Variants in NSMCE4A observed in about 807,000 individuals in gnomAD.
NSMCE4A encodes the protein non-structural maintenance of chromosomes element 4 homolog A.
Under a neutral mutation model 47.9 loss-of-function variants are expected in NSMCE4A, and 40 were observed. The observed-to-expected ratio is 0.83, with a 90% CI of 0.65 to 1.09. The LOEUF is 1.09. Ranked by LOEUF, NSMCE4A falls within the 50% of genes least tolerant of loss-of-function variation. The pLI is 0.00. For synonymous variants in NSMCE4A, 166 were observed against 178.5 expected (o/e 0.93, Z 0.56); for missense variants, 500 against 507.0 (o/e 0.99, Z 0.13).
At chr10:121,974,230 G>A in intron 1 of NSMCE4A, 149 bp from the exon 2 acceptor site, 1 of 1,394,660 alleles carries the variant, frequency 7.2e-7, no homozygotes, top group African/African-American at 1.5e-5. Context: ...TAACCAAAAT[G>A]ACCCGGAAAA....
intron 10 of NSMCE4A, among the ~76,000 whole-genome samples, chr10:121,957,486 G>A (rs1040995934): frequency 2.1e-5 from 3 of 141,986 alleles, no homozygotes; most frequent in Non-Finnish European, 4.5e-5. Context: ...AGGCTGGAGT[G>A]CAGTGGCACA....
In NSMCE4A at chr10:121,967,801, T is replaced by A; in HGVS notation, c.507A>T (p.Thr169=). The A allele has an allele frequency of 6.3e-7, 1 of 1,598,042 alleles. No homozygotes were observed. Among genetic ancestry groups the A allele is most frequent in the South Asian group, 1.1e-5 (1 of 87,086 alleles). Residue 169 remains threonine (T), a synonymous_variant, in exon 4 of 11, where the codon ACA becomes ACT. Coordinates refer to ENST00000369023, the MANE Select transcript of NSMCE4A (RefSeq NM_017615.3). ...CTTCTAGCGGATTTACACCCATATG[T>A]GTGAGCTACAAAAATGAAGGAAAAC... The part of the protein sequence containing the change: ...DMLRYVETLL[T]HMGVNPLEAE...
rs1003832201 is a variant in NSMCE4A at position 121,963,395 on chromosome 10, C to T, written c.754-67G>A. 4 of 846,728 alleles carry T rather than the reference C, an allele frequency of 4.7e-6. No individual in the cohort carries two copies. The Admixed American group carries it at 8.3e-5, about 17-fold the overall frequency. The allele number at this position is 846,728 out of a possible 1,614,324, so 52.5% of individuals were successfully genotyped here. On this transcript the variant is annotated intron_variant, in intron 5 of 10. Coordinates refer to ENST00000369023, the MANE Select transcript of NSMCE4A (RefSeq NM_017615.3). ...CCTATTAACGTTTTCTTCTCTCTTG[C>T]ACACCCAAACTCCTTTTCTTCTCTC...
chr10:121,971,630 C>G (rs1415574248), intron 2 of NSMCE4A, among the ~76,000 whole-genome samples: 1 of 152,210 alleles, frequency 6.6e-6, no homozygotes, highest in Non-Finnish European at 1.5e-5. Flanking sequence ...TTAGCTGAAT[C>G]ACAATCTCTT....
chr10:121,971,192 T>G, intron 2 of NSMCE4A, 123 bp from the exon 3 acceptor site: 1 of 802,568 alleles, frequency 1.2e-6, no homozygotes, highest in Non-Finnish European at 1.9e-6. Context: ...AAAATCTCAA[T>G]AGGCAACTGA....
At chr10:121,959,124 T>A (rs1952452528) in intron 10 of NSMCE4A, among the ~76,000 whole-genome samples, 200 bp downstream of exon 10, 1 of 152,130 alleles carries the variant, frequency 6.6e-6, no homozygotes, top group Non-Finnish European at 1.5e-5. Context: ...CAGCTGCAAA[T>A]CTTAACAGCA....
chr10:121,965,178 GGC>G (rs1952583136), intron 5 of NSMCE4A, 106 bp downstream of exon 5: 2 of 629,244 alleles, frequency 3.2e-6, no homozygotes, highest in Non-Finnish European at 5.6e-6. Context: ...GACAAAACCT[GGC>G]TCCAGACCCG....
At position 121,974,902 on chromosome 10, in the gene NSMCE4A, C is replaced by T. The variant is rs1368892463; in HGVS notation, c.264G>A (p.Gln88=). ...GGACGGAGTTGATGAGCGCCCGGTA[C>T]TGATGGCGGATCTGGCGGCACAGGC... ...DQGLCRQIRH[Q]YRALINSVQQ... Residue 88 remains glutamine (Q), a synonymous_variant, in exon 1 of 11, where the codon CAG becomes CAA. Transcript: ENST00000369023. 6.6e-7 allele frequency: 1 copy of T among 1,524,192 alleles called. No individual in the cohort carries two copies. Among genetic ancestry groups the T allele is most frequent in the East Asian group, 2.8e-5 (1 of 36,200 alleles). The allele number at this position is 1,524,192 out of a possible 1,614,324, so 94.4% of individuals were successfully genotyped here. A position where few individuals can be genotyped will look rare whatever the true frequency, so the allele number is the denominator to read the frequency against.
chr10:121,969,501 T>TAAAAAAA (rs35005382), intron 3 of NSMCE4A, among the ~76,000 whole-genome samples: 1 of 138,208 alleles, frequency 7.2e-6, no homozygotes. Context: ...AAAAAAAAGT[T>TAAAAAAA]AAAAAAAAAA....
At chr10:121,974,807 C>T (rs1952786387) in intron 1 of NSMCE4A, 67 bp downstream of exon 1, 3 of 1,239,966 alleles carry the variant, frequency 2.4e-6, no homozygotes, top group Admixed American at 4.3e-5. Flanking sequence ...TGCCCTCCCC[C>T]CGCGCCCGGC....
In NSMCE4A at chr10:121,974,071, C is replaced by G; in HGVS notation, c.303G>C (p.Glu101Asp). ...ALINSVQQNR[E>D]DILNAGDKLT... is the part of the protein sequence containing the mutation. ...ATTTGTCACCGGCATTCAGTATGTC[C>G]TCACGGTTTTCTATTTTTAAAAATA... Residue 101 changes from glutamate (E) to aspartate (D), a missense_variant, in exon 2 of 11, where the codon GAG (glutamate) becomes GAC (aspartate). Physicochemically the swap from Glu to Asp is conservative, Grantham distance 45 (BLOSUM62 2). Coordinates refer to ENST00000369023, the MANE Select transcript of NSMCE4A (RefSeq NM_017615.3). The G allele has an allele frequency of 6.2e-7, 1 of 1,603,192 alleles. No homozygotes were observed. Among genetic ancestry groups the G allele is most frequent in the Non-Finnish European group, 8.5e-7 (1 of 1,173,118 alleles).
intron 10 of NSMCE4A, among the ~76,000 whole-genome samples, chr10:121,957,797 A>G (rs1952425705): frequency 6.6e-6 from 1 of 152,104 alleles, no homozygotes; most frequent in African/African-American, 2.4e-5. Context: ...ATTGAAGCAC[A>G]TATTAAGTGC....
At chr10:121,957,770 C>G (rs1263456074) in intron 10 of NSMCE4A, among the ~76,000 whole-genome samples, 2 of 151,730 alleles carry the variant, frequency 1.3e-5, no homozygotes, top group Non-Finnish European at 2.9e-5. Context: ...CAACTTGGAA[C>G]AAAAGTATTT....
intron 1 of NSMCE4A, chr10:121,974,326 T>C: frequency 2.3e-6 from 3 of 1,300,650 alleles, no homozygotes; most frequent in South Asian, 4.1e-5. Flanking sequence ...AGGGCTGGAC[T>C]CCGGCTGCAG....
intron 10 of NSMCE4A, among the ~76,000 whole-genome samples, chr10:121,959,040 C>T (rs190648861): frequency 6.8e-4 from 103 of 152,308 alleles, no homozygotes; most frequent in Middle Eastern, 3.4e-3. Flanking sequence ...ATCTCGAACT[C>T]CTGACCTCAT....
chr10:121,959,087 A>C (rs559964335), intron 10 of NSMCE4A, among the ~76,000 whole-genome samples: 1 of 152,344 alleles, frequency 6.6e-6, no homozygotes, highest in South Asian at 2.1e-4. Context: ...TGCTGGGATT[A>C]CAGGCGTGAG....
At position 121,965,522 on chromosome 10, in the gene NSMCE4A, T is replaced by A. The variant is rs1352995100; in HGVS notation, c.654-137A>T. ...AGTGATATACAAGCTGACATCAGAG[T>A]AAGACTCTTGATAAGGTTTGTGACA... On this transcript the variant is annotated intron_variant, in intron 4 of 10. Transcript: ENST00000369023. 4 of 641,838 alleles carry A rather than the reference T, an allele frequency of 6.2e-6. No homozygotes were observed. In the East Asian group the frequency reaches 8.0e-5, roughly 13 times the overall value. 39.8% of individuals were successfully genotyped at this position (641,838 alleles called of 1,614,324 possible).
chr10:121,967,943 T>A, intron 3 of NSMCE4A, 137 bp from the exon 4 acceptor site: 1 of 809,040 alleles, frequency 1.2e-6, no homozygotes. Flanking sequence ...CTGGCTAAAT[T>A]TCTTACTGTG....
Position 121,957,972 on chromosome 10 carries a change from G to A in NSMCE4A, c.*13-713C>T, listed in dbSNP as rs142475110. ...AAGCCAGGCGTGGTGGCTCATGTCT[G>A]TAATCCCAGCACTTTGGGAGGCCGA... On this transcript the variant is annotated intron_variant, in intron 10 of 10. Coordinates refer to ENST00000369023, the MANE Select transcript of NSMCE4A (RefSeq NM_017615.3). Among the ~76,000 whole-genome samples, 959 of 151,974 alleles carry A rather than the reference G, an allele frequency of 6.3e-3. 10 individuals are homozygous for A. The highest frequency in any genetic ancestry group is 0.022 in the African/African-American group (927 of 41,482).
Sources: gnomAD v4.1 joint callset for allele counts (sites outside exome capture counted in the v4.1 genomes callset) on GRCh38, gnomAD v4.1.1 for gene constraint, MANE v1.5 for transcripts, NCBI Gene and HGNC (gene_info 2026-07-23, HGNC 2026-07-21) for gene names.